Variants in CACNA1D observed in about 807,000 individuals in gnomAD.
The protein encoded by CACNA1D is calcium voltage-gated channel subunit alpha1 D.
CACNA1D carries 55 observed loss-of-function variants against 257.1 expected under a neutral mutation model. The ratio of observed to expected loss-of-function variants is 0.21; its 90% CI spans 0.17 to 0.27. The LOEUF is 0.27. CACNA1D is among the 10% of genes least tolerant of loss of function. CACNA1D has a pLI of 1.00. For synonymous variants in CACNA1D, 980 were observed against 1,014.9 expected, an observed-to-expected ratio of 0.97 and a Z score of 0.65; for missense variants, 1,876 against 2,784.0, an observed-to-expected ratio of 0.67 and a Z score of 7.34.
intron 41 of CACNA1D, 41 bp from the exon 42 acceptor site, chr3:53,801,017 A>G (rs966513217): frequency 1.2e-6 from 2 of 1,609,030 alleles, no homozygotes; most frequent in South Asian, 1.1e-5. Flanking sequence ...TGCATCAAAT[A>G]CTTGTTAAAT....
At chr3:53,748,842 G>T (rs1408958433) in intron 26 of CACNA1D, among the ~76,000 whole-genome samples, 1 of 152,128 alleles carries the variant, frequency 6.6e-6, no homozygotes. Context: ...GTTCCGCTAG[G>T]CATAGCTTTA....
intron 8 of CACNA1D, among the ~76,000 whole-genome samples, chr3:53,682,376 A>AAAAACAAAAAAAAAAAAC: frequency 7.2e-6 from 1 of 138,112 alleles, no homozygotes; most frequent in Non-Finnish European, 1.5e-5. Context: ...AAAAAAAAAA[A>AAAAACAAAAAAAAAAAAC]AAAAAAAAAA....
chr3:53,646,488 C>A (rs368482781), intron 3 of CACNA1D, among the ~76,000 whole-genome samples: 2 of 152,012 alleles, frequency 1.3e-5, no homozygotes, highest in East Asian at 1.9e-4. Context: ...CGGTTTTTTT[C>A]TTCTCTGCTT....
chr3:53,532,828 C>T (rs1039566266), intron 3 of CACNA1D, among the ~76,000 whole-genome samples: 20 of 152,160 alleles, frequency 1.3e-4, no homozygotes, highest in East Asian at 5.8e-4. Context: ...CTCCAGCCCC[C>T]GCTCTCCTTT....
At chr3:53,780,534 A>T (rs747419690) in intron 38 of CACNA1D, among the ~76,000 whole-genome samples, 2 of 152,174 alleles carry the variant, frequency 1.3e-5, no homozygotes, top group Non-Finnish European at 2.9e-5. Flanking sequence ...AAATACGGGG[A>T]TGTCTAGGAG....
Position 53,511,800 on chromosome 3 carries a change from T to G in CACNA1D, c.483+10080T>G, listed in dbSNP as rs553663087. On this transcript the variant is annotated intron_variant, in intron 3 of 47. Transcript: ENST00000350061. The stretch of plus-strand genomic sequence containing the variant: ...ATATAGTCCCATTAGACACATTCCC[T>G]CTTTGTGCTAACTTGGTTTAACTCA... Among the ~76,000 whole-genome samples, 3 of 152,324 alleles carry G rather than the reference T, an allele frequency of 2.0e-5. No individual in the cohort carries two copies. The East Asian group carries it at 5.8e-4, about 29-fold the overall frequency.
intron 3 of CACNA1D, among the ~76,000 whole-genome samples, chr3:53,545,855 T>C (rs1425160838): frequency 6.6e-6 from 1 of 152,196 alleles, no homozygotes; most frequent in Non-Finnish European, 1.5e-5. Context: ...GTTTCTATTG[T>C]GCGTGCTGAT....
chr3:53,667,168 T>C (rs566630956), intron 7 of CACNA1D, among the ~76,000 whole-genome samples: 2 of 152,324 alleles, frequency 1.3e-5, no homozygotes, highest in South Asian at 4.1e-4. Context: ...GCACGTAGAC[T>C]TCCAGGGCTG....
chr3:53,624,069 C>T (rs1312869499), intron 3 of CACNA1D, among the ~76,000 whole-genome samples: 1 of 152,162 alleles, frequency 6.6e-6, no homozygotes, highest in African/African-American at 2.4e-5. Context: ...ATGCTGTGTA[C>T]AAGAGCTGAA....
Position 53,789,192 on chromosome 3 carries a change from C to T in CACNA1D, c.4923+2240C>T, listed in dbSNP as rs1345356132. ...TTTTATTGATGAAATGCAAACATTT[C>T]CAGTTAGATGATACCAACATATTTT... On this transcript the variant is annotated intron_variant, in intron 40 of 47. Transcript: ENST00000350061. This position sits in a 1 kb window ranked among gnomAD's most constrained non-coding sequence, Gnocchi z 4.2. Among the ~76,000 whole-genome samples, 1 of 152,198 alleles carries T rather than the reference C, an allele frequency of 6.6e-6. No individual in the cohort carries two copies. The highest frequency in any genetic ancestry group is 2.4e-5 in the African/African-American group (1 of 41,438).
In CACNA1D at chr3:53,732,836, A is replaced by T; in HGVS notation, c.2495A>T (p.Glu832Val). 6.2e-7 allele frequency: 1 copy of T among 1,613,336 alleles called. No individual in the cohort carries two copies. The highest frequency in any genetic ancestry group is 8.5e-7 in the Non-Finnish European group (1 of 1,179,244). Reference protein sequence around the residue: ...DVPVGEEEEEEEEDEPEVPAG... With the variant: ...DVPVGEEEEEVEEDEPEVPAG... ...AAAGTAGGGGAAGAGGAAGAGGAAGAGGAGGAGGATGAACCTGAGGTTCCT... is the reference window on the plus strand; with the variant it reads ...AAAGTAGGGGAAGAGGAAGAGGAAGTGGAGGAGGATGAACCTGAGGTTCCT... The change falls in exon 19 of 48, where the codon GAG becomes GTG. Residue 832 changes from glutamate (E) to valine (V), a missense_variant. By Grantham distance (121) the Glu-to-Val change is moderately radical (BLOSUM62 -2). Transcript: ENST00000350061.
At chr3:53,689,012 TC>T (rs2108507684) in intron 8 of CACNA1D, among the ~76,000 whole-genome samples, 1 of 151,070 alleles carries the variant, frequency 6.6e-6, no homozygotes, top group East Asian at 2.0e-4. Flanking sequence ...CAGTGTAGAT[TC>T]CAGCAGCTGC....
chr3:53,520,978 T>G (rs2091552279), intron 3 of CACNA1D, among the ~76,000 whole-genome samples: 1 of 151,478 alleles, frequency 6.6e-6, no homozygotes, highest in African/African-American at 2.4e-5. Context: ...TCCCTTTCTC[T>G]TTCTTTTCCT....
At chr3:53,720,576 C>G (rs1302261278) in intron 11 of CACNA1D, among the ~76,000 whole-genome samples, 1 of 152,040 alleles carries the variant, frequency 6.6e-6, no homozygotes, top group Non-Finnish European at 1.5e-5. Flanking sequence ...TAGAAAAACC[C>G]AATAAAAAAT....
intron 3 of CACNA1D, among the ~76,000 whole-genome samples, chr3:53,587,827 G>A (rs2093244304): frequency 6.6e-6 from 1 of 152,168 alleles, no homozygotes; most frequent in African/African-American, 2.4e-5. Flanking sequence ...GGAGAATCTG[G>A]TAGGTAATTG....
chr3:53,660,102 C>CT (rs1559479862), intron 4 of CACNA1D, 31 bp from the exon 5 acceptor site: 6 of 1,607,484 alleles, frequency 3.7e-6, no homozygotes, highest in Non-Finnish European at 5.1e-6. Flanking sequence ...GTAACAGACT[C>CT]TAACATTTCT....
At chr3:53,517,207 TGCAAGGCCCTGAATCCTAATCCCTCAC>T (rs2107303350) in intron 3 of CACNA1D, among the ~76,000 whole-genome samples, 1 of 6,494 alleles carries the variant, frequency 1.5e-4, no homozygotes, top group Admixed American at 1.8e-3. Context: ...AATCCCTCAC[TGCAAGGCCCTGAATCCTAATCCCTCAC>T]TGCAAGGCCC....
At chr3:53,504,335 C>G (rs181831944) in intron 3 of CACNA1D, among the ~76,000 whole-genome samples, 5 of 152,200 alleles carry the variant, frequency 3.3e-5, no homozygotes, top group Admixed American at 2.0e-4. Context: ...ATGTTTCTGC[C>G]TGTTACCAGT....
Position 53,811,025 on chromosome 3 carries a change from T to G in CACNA1D, c.6193-88T>G, listed in dbSNP as rs2106919962. ...CCCCAAAGCACACGGTGCAGTTAAG[T>G]TAGCACTGGAGTTGATTTTTCTGTC... On this transcript the variant is annotated intron_variant, in intron 47 of 47. Transcript: ENST00000350061. This position sits in a 1 kb window ranked among gnomAD's most constrained non-coding sequence, Gnocchi z 4.2. The G allele has an allele frequency of 2.0e-6, 2 of 981,982 alleles. No individual in the cohort carries two copies. Among genetic ancestry groups the G allele is most frequent in the East Asian group, 4.8e-5 (2 of 41,994 alleles). The allele number at this position is 981,982 out of a possible 1,614,324, so 60.8% of individuals were successfully genotyped here. A position where few individuals can be genotyped will look rare whatever the true frequency, so the allele number is the denominator to read the frequency against.
Sources: allele counts gnomAD v4.1 joint callset (sites outside exome capture counted in the v4.1 genomes callset), GRCh38; gene constraint gnomAD v4.1.1; non-coding constraint Gnocchi (gnomAD v3.1); transcripts MANE v1.5; gene names NCBI Gene and HGNC (gene_info 2026-07-23, HGNC 2026-07-21).